Variants in PRPF18 observed in about 807,000 individuals in gnomAD.
The protein encoded by PRPF18 is pre-mRNA processing factor 18, also known as pre-mRNA-splicing factor 18.
PRPF18 carries 38 observed loss-of-function variants against 46.5 expected under a neutral mutation model. That is an observed-to-expected ratio of 0.82 (90% confidence interval 0.63 to 1.07). PRPF18 has a LOEUF of 1.07. Ranked by LOEUF, PRPF18 falls within the 50% of genes least tolerant of loss-of-function variation. The pLI, the probability that PRPF18 is intolerant of heterozygous loss-of-function variation, is 0.00. For synonymous variants in PRPF18, 152 were observed against 146.7 expected, an observed-to-expected ratio of 1.04 and a Z score of -0.26; for missense variants, 263 against 410.0, an observed-to-expected ratio of 0.64 and a Z score of 3.10.
chr10:13,615,918 GC>G (rs1401960637), intron 8 of PRPF18, among the ~76,000 whole-genome samples: 1 of 152,118 alleles, frequency 6.6e-6, no homozygotes, highest in Admixed American at 6.5e-5. Flanking sequence ...CACATACTGA[GC>G]CCCCACTTCC....
the PRPF18 span, chr10:13,646,518 T>G: frequency 6.6e-6 from 1 of 152,236 alleles, no homozygotes; most frequent in African/African-American, 2.4e-5. Flanking sequence ...TTGGCCTACG[T>G]ATGGGTGGCA....
At chr10:13,630,141 T>G (rs1049127897) in intron 9 of PRPF18, 119 bp from the exon 10 acceptor site, 1 of 775,632 alleles carries the variant, frequency 1.3e-6, no homozygotes, top group Non-Finnish European at 2.2e-6. Flanking sequence ...CTGAGTGAAT[T>G]TGCTTGGGTC....
At chr10:13,606,840 T>C (rs1231036711) in intron 4 of PRPF18, among the ~76,000 whole-genome samples, 2 of 152,000 alleles carry the variant, frequency 1.3e-5, no homozygotes, top group African/African-American at 4.8e-5. Context: ...TAAATAGGTC[T>C]CTTGGGGAGA....
chr10:13,627,819 A>T (rs1409483126), intron 9 of PRPF18, among the ~76,000 whole-genome samples: 1 of 152,216 alleles, frequency 6.6e-6, no homozygotes, highest in African/African-American at 2.4e-5. Context: ...AATTCTTCTG[A>T]CATGGGGAAA....
downstream of PRPF18, among the ~76,000 whole-genome samples, chr10:13,632,209 C>T (rs1234154046): frequency 2.6e-5 from 4 of 152,024 alleles, no homozygotes; most frequent in Admixed American, 1.3e-4. Flanking sequence ...GGCATGGTGG[C>T]GGGTGCCTGT....
intron 2 of PRPF18, 76 bp downstream of exon 2, chr10:13,597,611 A>C (rs780759479): frequency 6.2e-7 from 1 of 1,603,490 alleles, no homozygotes; most frequent in South Asian, 1.1e-5. Context: ...AATGACAATC[A>C]TTGATCTCTG....
intron 1 of PRPF18, among the ~76,000 whole-genome samples, chr10:13,587,826 T>C (rs2079899443): frequency 6.6e-6 from 1 of 152,208 alleles, no homozygotes; most frequent in African/African-American, 2.4e-5. Context: ...TTCCTGTGTT[T>C]TGTTACTTTT....
At chr10:13,650,830 C>T in the PRPF18 span, among the ~76,000 whole-genome samples, 7 of 152,204 alleles carry the variant, frequency 4.6e-5, no homozygotes, top group Non-Finnish European at 7.3e-5. Context: ...TCTGTCTCCA[C>T]CTGTCTAAGC....
At chr10:13,637,981 C>T in the PRPF18 span, 1 of 152,212 alleles carries the variant, frequency 6.6e-6, no homozygotes, top group African/African-American at 2.4e-5. Flanking sequence ...CATTCTCTCT[C>T]CTTCTCTACT....
At chr10:13,612,615 G>T (rs960137674) in intron 6 of PRPF18, among the ~76,000 whole-genome samples, 1 of 135,532 alleles carries the variant, frequency 7.4e-6, no homozygotes, top group South Asian at 2.5e-4. Context: ...GAAGAAGAGG[G>T]TTCTAGCTTT....
intron 8 of PRPF18, among the ~76,000 whole-genome samples, chr10:13,615,183 T>G (rs2080322346): frequency 6.6e-6 from 1 of 152,226 alleles, no homozygotes; most frequent in African/African-American, 2.4e-5. Flanking sequence ...ATGGATAAGG[T>G]CACCATCACT....
At chr10:13,646,083 G>A in the PRPF18 span, 2 of 152,604 alleles carry the variant, frequency 1.3e-5, no homozygotes, top group Admixed American at 1.3e-4. Flanking sequence ...GTGTCCAGAT[G>A]GATGGCGACT....
At chr10:13,624,305 C>T (rs140585893) in intron 9 of PRPF18, among the ~76,000 whole-genome samples, 128 of 152,328 alleles carry the variant, frequency 8.4e-4, no homozygotes, top group Admixed American at 2.2e-3. Context: ...AAATGCAGAA[C>T]ATTTTCCTCT....
intron 1 of PRPF18, 193 bp downstream of exon 1, chr10:13,587,345 C>T (rs1233125159): frequency 4.7e-6 from 3 of 632,896 alleles, no homozygotes; most frequent in African/African-American, 3.7e-5. Flanking sequence ...AGAATAGGGT[C>T]TGAGAGCAGG....
At chr10:13,648,693 C>G in the PRPF18 span, 2 of 152,314 alleles carry the variant, frequency 1.3e-5, no homozygotes, top group East Asian at 3.9e-4. Context: ...CCAGTGACAT[C>G]GGCTGGTACA....
the PRPF18 span, chr10:13,638,081 G>A: frequency 6.6e-6 from 1 of 152,216 alleles, no homozygotes; most frequent in Non-Finnish European, 1.5e-5. Context: ...TTGGTCGTAT[G>A]ACATGGTCCT....
chr10:13,602,834 G>A (rs2080132699), intron 3 of PRPF18, among the ~76,000 whole-genome samples: 1 of 152,306 alleles, frequency 6.6e-6, no homozygotes, highest in East Asian at 1.9e-4. Context: ...CCGGGTTCAA[G>A]AGTTTCTGAA....
chr10:13,625,693 A>G (rs980635800), intron 9 of PRPF18, among the ~76,000 whole-genome samples: 1 of 152,252 alleles, frequency 6.6e-6, no homozygotes, highest in Non-Finnish European at 1.5e-5. Flanking sequence ...TTGGAAGGCC[A>G]AAGCTAAAGA....
chr10:13,600,926 G>A (rs1296409574), intron 3 of PRPF18, among the ~76,000 whole-genome samples: 12 of 152,038 alleles, frequency 7.9e-5, no homozygotes, highest in African/African-American at 2.4e-4. Context: ...ACAGGCGTGT[G>A]CCACCACACC....
Sources: gnomAD v4.1 joint callset for allele counts (sites outside exome capture counted in the v4.1 genomes callset) on GRCh38, gnomAD v4.1.1 for gene constraint, MANE v1.5 for transcripts, NCBI Gene and HGNC (gene_info 2026-07-23, HGNC 2026-07-21) for gene names.